The following PUS7L variants were observed in gnomAD, a reference collection of about 807,000 sequenced individuals.
PUS7L encodes pseudouridine synthase 7 like.
Under a neutral mutation model 51.1 loss-of-function variants are expected in PUS7L, and 49 were observed. The observed-to-expected ratio is 0.96, with a 90% confidence interval of 0.76 to 1.22. The LOEUF (loss-of-function observed/expected upper bound fraction) is 1.22, where lower values mean the gene tolerates loss of function less well. Among genes scored for constraint, PUS7L ranks in the 50% most tolerant of loss-of-function variants. PUS7L has a pLI of 0.00. For missense variants in PUS7L, 828 were observed against 820.6 expected, an observed-to-expected ratio of 1.01 and a Z score of -0.11; for synonymous variants, 277 against 276.2, an observed-to-expected ratio of 1.00 and a Z score of -0.03.
In PUS7L at chr12:43,719,273, A is replaced by G. The variant is rs1453966504; in HGVS notation, c.*11103T>C. On this transcript the variant is annotated 3_prime_UTR_variant, in exon 9 of 9. Transcript: ENST00000344862. ...CACAAACACAGATATGTACAATTCC[A>G]TTCACATAAAATTCAAAATCAGACA... The G allele has an allele frequency of 6.6e-6, 1 of 152,200 alleles. No homozygotes were observed. Among genetic ancestry groups the G allele is most frequent in the Non-Finnish European group, 1.5e-5 (1 of 68,028 alleles). The allele number at this position is 152,200 out of a possible 1,614,324, so 9.4% of individuals were successfully genotyped here. A position where few individuals can be genotyped will look rare whatever the true frequency, so the allele number is the denominator to read the frequency against.
Position 43,730,462 on chromosome 12 carries a change from C to T in PUS7L, c.2020G>A (p.Ala674Thr). Residue 674 changes from alanine (A) to threonine (T), a missense_variant, in exon 9 of 9, where the codon GCT becomes ACT. Ala to Thr is a moderately conservative substitution (Grantham distance 58). Coordinates refer to ENST00000344862, the MANE Select transcript of PUS7L (RefSeq NM_031292.5). ...TCAAAAGAGATCAAAAGAGACAAAG[C>T]TGTTTCATCAATGTGGGAACCTTTC... ...KTKGSHIDETALSLLISFDLD... is the reference protein window; with the variant it reads ...KTKGSHIDETTLSLLISFDLD... 1.2e-6 allele frequency: 2 copies of T among 1,613,788 alleles called. No homozygotes were observed. Among genetic ancestry groups the T allele is most frequent in the East Asian group, 2.2e-5 (1 of 44,840 alleles).
chr12:43,751,196 T>TTA (rs199754116), intron 2 of PUS7L, among the ~76,000 whole-genome samples: 10,332 of 149,996 alleles, frequency 0.069, 386 homozygotes, highest in Middle Eastern at 0.13. Context: ...TATTTTTAAT[T>TTA]TATATATATA....
At position 43,721,699 on chromosome 12, in the gene PUS7L, A is replaced by G. The variant is rs1383960731; in HGVS notation, c.*8677T>C. 1 of 152,230 alleles carries G rather than the reference A, an allele frequency of 6.6e-6. No individual in the cohort carries two copies. The highest frequency in any genetic ancestry group is 2.4e-5 in the African/African-American group (1 of 41,456). The allele number at this position is 152,230 out of a possible 1,614,324, so 9.4% of individuals were successfully genotyped here. On this transcript the variant is annotated 3_prime_UTR_variant, in exon 9 of 9. Coordinates refer to ENST00000344862, the MANE Select transcript of PUS7L (RefSeq NM_031292.5). ...TATACAAAAGGCTATGAGAACACAGATTTCACATAAAAGACATTTAATATA... is the reference window on the plus strand; with the variant it reads ...TATACAAAAGGCTATGAGAACACAGGTTTCACATAAAAGACATTTAATATA...
chr12:43,733,670 T>G (rs748622219), intron 7 of PUS7L, among the ~76,000 whole-genome samples: 2 of 152,248 alleles, frequency 1.3e-5, no homozygotes, highest in Non-Finnish European at 2.9e-5. Context: ...GATGACTTAC[T>G]AATTAGTGTG....
intron 1 of PUS7L, 51 bp from the exon 2 acceptor site, chr12:43,755,312 A>G: frequency 8.9e-7 from 1 of 1,120,580 alleles, no homozygotes; most frequent in Non-Finnish European, 1.3e-6. Flanking sequence ...GAAGTTATGG[A>G]TGACCAAATA....
rs2137644215 is a variant in PUS7L, at chr12:43,724,405, G to T, written c.*5971C>A. ...CCATTTTATTATAAAAATTTTATCA[G>T]GGAGCATAGTAAAGTAATACTAACT... On this transcript the variant is annotated 3_prime_UTR_variant, in exon 9 of 9. Coordinates refer to ENST00000344862, the MANE Select transcript of PUS7L (RefSeq NM_031292.5). 6.6e-6 allele frequency: 1 copy of T among 152,054 alleles called. No individual in the cohort carries two copies. The highest frequency in any genetic ancestry group is 1.9e-4 in the East Asian group (1 of 5,180). 9.4% of individuals were successfully genotyped at this position (152,054 alleles called of 1,614,324 possible).
At position 43,726,800 on chromosome 12, in the gene PUS7L, C is replaced by A. The variant is rs1163603243; in HGVS notation, c.*3576G>T. 1 of 151,416 alleles carries A rather than the reference C, an allele frequency of 6.6e-6. No individual in the cohort carries two copies. Among genetic ancestry groups the A allele is most frequent in the Admixed American group, 6.6e-5 (1 of 15,166 alleles). 9.4% of individuals were successfully genotyped at this position (151,416 alleles called of 1,614,324 possible). A position where few individuals can be genotyped will look rare whatever the true frequency, so the allele number is the denominator to read the frequency against. ...CCGAGATTGCACCACTGCACTCCAGCCTGGGTGACAGAAGGAAACTCCATC... is the reference window on the plus strand; with the variant it reads ...CCGAGATTGCACCACTGCACTCCAGACTGGGTGACAGAAGGAAACTCCATC... On this transcript the variant is annotated 3_prime_UTR_variant, in exon 9 of 9. Coordinates refer to ENST00000344862, the MANE Select transcript of PUS7L (RefSeq NM_031292.5).
chr12:43,728,586 C>A lies in PUS7L; in HGVS notation c.*1790G>T, dbSNP rs902199513. 3.3e-5 allele frequency: 5 copies of A among 151,888 alleles called. No individual in the cohort carries two copies. Among genetic ancestry groups the A allele is most frequent in the African/African-American group, 1.2e-4 (5 of 41,380 alleles). 9.4% of individuals were successfully genotyped at this position (151,888 alleles called of 1,614,324 possible). A position where few individuals can be genotyped will look rare whatever the true frequency, so the allele number is the denominator to read the frequency against. On this transcript the variant is annotated 3_prime_UTR_variant, in exon 9 of 9. Coordinates refer to ENST00000344862, the MANE Select transcript of PUS7L (RefSeq NM_031292.5). Reference sequence around the variant, plus strand: ...ATGATGGCAGTAATCCAAAGAAAATCAATGGTACTACAATATCCAATTTTG... The same window carrying A: ...ATGATGGCAGTAATCCAAAGAAAATAAATGGTACTACAATATCCAATTTTG...
At chr12:43,735,808 G>A (rs533677261) in intron 7 of PUS7L, among the ~76,000 whole-genome samples, 18 of 152,162 alleles carry the variant, frequency 1.2e-4, no homozygotes, top group Admixed American at 3.3e-4. Context: ...GCACAGTCTC[G>A]TTCTGTTACC....
rs1360553915 is a variant in PUS7L, at chr12:43,743,129, GGAA to G, written c.1264-577_1264-575del. Among the ~76,000 whole-genome samples, 32 of 152,200 alleles carry G rather than the reference GGAA, an allele frequency of 2.1e-4. 1 individual carries two copies. The highest frequency in any genetic ancestry group is 7.7e-4 in the African/African-American group (32 of 41,528). On this transcript the variant is annotated intron_variant, in intron 4 of 8. Coordinates refer to ENST00000344862, the MANE Select transcript of PUS7L (RefSeq NM_031292.5). Reference sequence around the variant, plus strand: ...CACCTGGAACAGTCTGTATTCCAGGGGAAGAATACAGACTTCACTTCCTGCTGG... The same window carrying G: ...CACCTGGAACAGTCTGTATTCCAGGGGAATACAGACTTCACTTCCTGCTGG...
intron 7 of PUS7L, among the ~76,000 whole-genome samples, chr12:43,733,651 T>A (rs958724147): frequency 1.3e-5 from 2 of 152,238 alleles, no homozygotes; most frequent in African/African-American, 4.8e-5. Context: ...AAAATCTGAA[T>A]TAGAAATGGA....
In PUS7L at chr12:43,748,550, T is replaced by C. The variant is rs764033502; in HGVS notation, c.970A>G (p.Lys324Glu). ...AAATCCGAAGGAATAACACCAAGTT[T>C]GATAGCTAAAAAACCAATCGCTTCA... The part of the protein sequence containing the change: ...MFEAIGFLAI[K>E]LGVIPSDFSY... Residue 324 changes from lysine to glutamate, a missense_variant, in exon 3 of 9, where the codon AAA becomes GAA. Physicochemically the swap from Lys to Glu is moderately conservative, Grantham distance 56. Coordinates refer to ENST00000344862, the MANE Select transcript of PUS7L (RefSeq NM_031292.5). 1 of 1,610,794 alleles carries C rather than the reference T, an allele frequency of 6.2e-7. No homozygotes were observed. Among genetic ancestry groups the C allele is most frequent in the Non-Finnish European group, 8.5e-7 (1 of 1,179,194 alleles).
intron 8 of PUS7L, among the ~76,000 whole-genome samples, chr12:43,731,235 C>T (rs989835704): frequency 1.3e-5 from 2 of 152,086 alleles, no homozygotes; most frequent in African/African-American, 4.8e-5. Context: ...TTTTCTTGAA[C>T]AGCACCAAAA....
chr12:43,754,307 AGAAAATG>A (rs1297213613), intron 2 of PUS7L, 22 bp downstream of exon 2: 4 of 1,432,752 alleles, frequency 2.8e-6, no homozygotes, highest in Non-Finnish European at 3.8e-6. Flanking sequence ...AGCTTATCCA[AGAAAATG>A]GATGATGATT....
chr12:43,743,680 G>A (rs1484115763), intron 4 of PUS7L, among the ~76,000 whole-genome samples: 1 of 152,018 alleles, frequency 6.6e-6, no homozygotes. Flanking sequence ...GGAGAATGGC[G>A]TGAACCCGGG....
rs1460888235 is a variant in PUS7L, at chr12:43,754,412, T to TA, written c.833dup (p.Arg279LysfsTer16). 6.2e-7 allele frequency: 1 copy of TA among 1,613,114 alleles called. No individual in the cohort carries two copies. Among genetic ancestry groups the TA allele is most frequent in the African/African-American group, 1.3e-5 (1 of 74,868 alleles). On this transcript the variant is annotated frameshift_variant, in exon 2 of 9. Transcript: ENST00000344862. LOFTEE classifies it high-confidence loss of function. ...GTTTGTGTGCTTTTTCCCGAAATCT[T>TA]ACTGTTACCACCACATTCGGATTAC...
rs1944390568 is a variant in PUS7L, at chr12:43,720,942, AAAATAAT to A, written c.*9427_*9433del. ...TATATGTGTCCTCATCTATAAAATG[AAAATAAT>A]AACAGTACTTATCCCACATGTAAGT... On this transcript the variant is annotated 3_prime_UTR_variant, in exon 9 of 9. Coordinates refer to ENST00000344862, the MANE Select transcript of PUS7L (RefSeq NM_031292.5). 6.6e-6 allele frequency: 1 copy of A among 152,224 alleles called. No individual in the cohort carries two copies. Among genetic ancestry groups the A allele is most frequent in the Admixed American group, 6.5e-5 (1 of 15,276 alleles). 9.4% of individuals were successfully genotyped at this position (152,224 alleles called of 1,614,324 possible). A position where few individuals can be genotyped will look rare whatever the true frequency, so the allele number is the denominator to read the frequency against.
chr12:43,734,587 A>G (rs1428936120), intron 7 of PUS7L, among the ~76,000 whole-genome samples: 1 of 152,186 alleles, frequency 6.6e-6, no homozygotes, highest in East Asian at 1.9e-4. Context: ...TAGAGTTCAG[A>G]GTCTGTTTTA....
Position 43,745,655 on chromosome 12 carries a change from T to G in PUS7L, c.1263+391A>C, listed in dbSNP as rs147246522. 8.4e-3 allele frequency among the ~76,000 whole-genome samples: 1,276 copies of G among 152,280 alleles called. 16 individuals carry two copies. Among genetic ancestry groups the G allele is most frequent in the East Asian group, 0.062 (321 of 5,180 alleles). ...TATGTCCTTACTAGCAGTGTGAGAA[T>G]GGACTAATACAGTGTGTGTGATTTA... On this transcript the variant is annotated intron_variant, in intron 4 of 8. Transcript: ENST00000344862.
Sources: allele counts gnomAD v4.1 joint callset (sites outside exome capture counted in the v4.1 genomes callset), GRCh38; gene constraint gnomAD v4.1.1; transcripts MANE v1.5; gene names NCBI Gene and HGNC (gene_info 2026-07-23, HGNC 2026-07-21).